Variants in CEMIP observed in about 807,000 individuals in gnomAD.
CEMIP encodes cell migration-inducing and hyaluronan-binding protein.
In CEMIP, 105 loss-of-function variants were observed where a neutral mutation model predicts 156.9. The ratio of observed to expected loss-of-function variants is 0.67; its 90% CI spans 0.57 to 0.79. The LOEUF is 0.79. Among genes scored for constraint, CEMIP ranks in the 30% least tolerant of loss-of-function variants. CEMIP has a pLI of 0.00. For synonymous variants in CEMIP, 676 were observed against 668.4 expected (o/e 1.01, Z -0.17); for missense variants, 1,457 against 1,769.4 (o/e 0.82, Z 3.17).
chr15:80,781,750 G>A (rs368965834), intron 1 of CEMIP, among the ~76,000 whole-genome samples: 3 of 152,208 alleles, frequency 2.0e-5, no homozygotes, highest in Admixed American at 1.3e-4. Flanking sequence ...TGGGAATAAC[G>A]CAATGCCATC....
chr15:80,885,566 C>A (rs1332400295), intron 7 of CEMIP, among the ~76,000 whole-genome samples: 1 of 152,180 alleles, frequency 6.6e-6, no homozygotes, highest in African/African-American at 2.4e-5. Context: ...CTATTTACGG[C>A]CTCAGCAGAA....
chr15:80,937,712 G>T, intron 24 of CEMIP, 82 bp from the exon 25 acceptor site: 8 of 1,261,516 alleles, frequency 6.3e-6, no homozygotes, highest in South Asian at 2.5e-5. Context: ...GAGATTTTTT[G>T]GTCTCTTTCT....
intron 1 of CEMIP, among the ~76,000 whole-genome samples, chr15:80,869,996 C>T (rs1401522858): frequency 6.6e-5 from 10 of 152,206 alleles, no homozygotes; most frequent in Non-Finnish European, 1.2e-4. Flanking sequence ...GGCTTGAGCA[C>T]TGACCACGGG....
chr15:80,852,217 A>G (rs999413663), intron 1 of CEMIP, among the ~76,000 whole-genome samples: 1 of 152,230 alleles, frequency 6.6e-6, no homozygotes, highest in African/African-American at 2.4e-5. Context: ...GAACAGAAGT[A>G]CCACTTGCTG....
chr15:80,871,805 T>G (rs1898301581), intron 1 of CEMIP, among the ~76,000 whole-genome samples: 1 of 152,178 alleles, frequency 6.6e-6, no homozygotes, highest in African/African-American at 2.4e-5. Context: ...GTTCCCTTCT[T>G]TTCTATTGCA....
chr15:80,800,830 C>T (rs1896357530), intron 1 of CEMIP, among the ~76,000 whole-genome samples: 1 of 152,328 alleles, frequency 6.6e-6, no homozygotes, highest in South Asian at 2.1e-4. Flanking sequence ...CTTCTAATAA[C>T]TTTCCAAAAA....
intron 1 of CEMIP, among the ~76,000 whole-genome samples, chr15:80,809,648 G>C (rs1222319489): frequency 1.3e-5 from 2 of 152,170 alleles, no homozygotes; most frequent in Non-Finnish European, 2.9e-5. Context: ...TGAAATCAAG[G>C]TGTTGGCCAG....
chr15:80,927,966 A>T (rs1445093399), intron 19 of CEMIP, among the ~76,000 whole-genome samples: 1 of 152,086 alleles, frequency 6.6e-6, no homozygotes, highest in Non-Finnish European at 1.5e-5. Context: ...TACATTGGGA[A>T]TTAGAGAGCA....
intron 1 of CEMIP, among the ~76,000 whole-genome samples, chr15:80,838,649 C>T (rs1413244275): frequency 6.6e-6 from 1 of 152,122 alleles, no homozygotes; most frequent in Non-Finnish European, 1.5e-5. Flanking sequence ...GATGATAAAA[C>T]CCCCCGTGTG....
At chr15:80,888,912 C>T in intron 9 of CEMIP, 116 bp downstream of exon 9, 1 of 975,144 alleles carries the variant, frequency 1.0e-6, no homozygotes, top group Non-Finnish European at 1.6e-6. Context: ...TTAATTTTTG[C>T]AGAATCAACT....
chr15:80,835,206 A>G (rs893375935), intron 1 of CEMIP, among the ~76,000 whole-genome samples: 6 of 151,884 alleles, frequency 4.0e-5, no homozygotes, highest in Admixed American at 2.0e-4. Context: ...CCTTCTTCCT[A>G]TCTTATATAT....
At chr15:80,865,975 T>C (rs1898115293) in intron 1 of CEMIP, among the ~76,000 whole-genome samples, 1 of 152,184 alleles carries the variant, frequency 6.6e-6, no homozygotes, top group South Asian at 2.1e-4. Context: ...ACCAGCGCAG[T>C]GGCCGCCCAC....
rs373659952 is a variant in CEMIP, at chr15:80,807,411, AAC to A, written c.-176+27799_-176+27800del. 8.5e-5 allele frequency among the ~76,000 whole-genome samples: 13 copies of A among 152,188 alleles called. No homozygotes were observed. In the East Asian group the frequency reaches 2.3e-3, roughly 27 times the overall value. On this transcript the variant is annotated intron_variant, in intron 1 of 29. Coordinates refer to ENST00000394685, the MANE Select transcript of CEMIP (RefSeq NM_001293298.2). The stretch of plus-strand genomic sequence containing the variant: ...ATGCCTGCTAATTAATTTGTATAGA[AAC>A]AGAGTTTCACTATGCTGTCCAGGCT...
At chr15:80,845,558 C>G (rs1897533377) in intron 1 of CEMIP, among the ~76,000 whole-genome samples, 1 of 152,202 alleles carries the variant, frequency 6.6e-6, no homozygotes, top group Non-Finnish European at 1.5e-5. Flanking sequence ...ATGGGAAATG[C>G]TGATCATCAC....
chr15:80,870,003 C>T (rs1466293963), intron 1 of CEMIP, among the ~76,000 whole-genome samples: 1 of 152,166 alleles, frequency 6.6e-6, no homozygotes. Context: ...GCACTGACCA[C>T]GGGTCACAGT....
At chr15:80,796,781 G>T (rs572007463) in intron 1 of CEMIP, among the ~76,000 whole-genome samples, 1 of 152,190 alleles carries the variant, frequency 6.6e-6, no homozygotes, top group African/African-American at 2.4e-5. Flanking sequence ...ATCTGGGAGC[G>T]TGGGGTGGGT....
intron 12 of CEMIP, among the ~76,000 whole-genome samples, chr15:80,896,974 TC>T (rs2141862923): frequency 6.6e-6 from 1 of 152,284 alleles, no homozygotes; most frequent in East Asian, 1.9e-4. Flanking sequence ...AAAGTCACCT[TC>T]CAGGGAGAGA....
intron 14 of CEMIP, among the ~76,000 whole-genome samples, chr15:80,918,332 C>A (rs1482700069): frequency 6.6e-6 from 1 of 152,032 alleles, no homozygotes; most frequent in Non-Finnish European, 1.5e-5. Flanking sequence ...TACATCAGGG[C>A]CTCTCAATCA....
At chr15:80,874,211 G>A (rs951027424) in intron 3 of CEMIP, among the ~76,000 whole-genome samples, 4 of 152,214 alleles carry the variant, frequency 2.6e-5, no homozygotes, top group East Asian at 1.9e-4. Flanking sequence ...CAAACTCAGC[G>A]CCTACAGAAG....
Sources: allele counts gnomAD v4.1 joint callset (sites outside exome capture counted in the v4.1 genomes callset), GRCh38; gene constraint gnomAD v4.1.1; transcripts MANE v1.5; gene names NCBI Gene and HGNC (gene_info 2026-07-23, HGNC 2026-07-21).